The following FILIP1L variants were observed in gnomAD, a reference collection of about 807,000 sequenced individuals.
FILIP1L encodes the protein filamin A-interacting protein 1-like.
FILIP1L carries 55 observed loss-of-function variants against 96.6 expected under a neutral mutation model. That is an observed-to-expected ratio of 0.57 (90% CI 0.46 to 0.71). The LOEUF (loss-of-function observed/expected upper bound fraction) is 0.71, where lower values mean the gene tolerates loss of function less well. FILIP1L is among the 30% of genes least tolerant of loss of function. The pLI, the probability that FILIP1L is intolerant of heterozygous loss-of-function variation, is 0.00. For synonymous variants in FILIP1L, 467 were observed against 473.9 expected (o/e 0.99, Z 0.19); for missense variants, 1,304 against 1,321.2 (o/e 0.99, Z 0.20).
intron 1 of FILIP1L, among the ~76,000 whole-genome samples, chr3:100,091,421 CT>C (rs1295475034): frequency 6.6e-6 from 1 of 151,998 alleles, no homozygotes; most frequent in Non-Finnish European, 1.5e-5. Flanking sequence ...ATTGGAAAGA[CT>C]CATGTTTTGT....
chr3:99,958,171 C>G (rs1049414941), intron 1 of FILIP1L, among the ~76,000 whole-genome samples: 4 of 148,608 alleles, frequency 2.7e-5, no homozygotes, highest in African/African-American at 9.8e-5. Flanking sequence ...CTGCAGCTAT[C>G]AACCCATCAC....
intron 4 of FILIP1L, among the ~76,000 whole-genome samples, chr3:99,917,373 G>A (rs977391802): frequency 4.6e-5 from 7 of 152,186 alleles, no homozygotes; most frequent in Middle Eastern, 3.4e-3. Flanking sequence ...TGGACCTCCC[G>A]TAACACCAGG....
chr3:99,985,594 C>CT (rs759661932), intron 1 of FILIP1L, among the ~76,000 whole-genome samples: 13,426 of 145,632 alleles, frequency 0.092, 684 homozygotes, highest in Admixed American at 0.12. Flanking sequence ...ATGAGAAAAG[C>CT]TTTTTTTTTT....
intron 5 of FILIP1L, among the ~76,000 whole-genome samples, chr3:99,836,843 TCTGA>T (rs1942920100): frequency 1.3e-5 from 2 of 152,230 alleles, no homozygotes; most frequent in African/African-American, 4.8e-5. Context: ...AGCCATTGTG[TCTGA>T]ACCAATCAGA....
At chr3:100,015,802 G>T (rs572489599) in intron 1 of FILIP1L, among the ~76,000 whole-genome samples, 87 of 152,324 alleles carry the variant, frequency 5.7e-4, no homozygotes, top group African/African-American at 2.1e-3. Flanking sequence ...TCTGATAAAT[G>T]AGAGGAGGGA....
intron 1 of FILIP1L, among the ~76,000 whole-genome samples, chr3:100,025,223 C>T (rs547367048): frequency 6.6e-6 from 1 of 152,274 alleles, no homozygotes; most frequent in Non-Finnish European, 1.5e-5. Context: ...CTTCTTGCCA[C>T]TACACAGCCC....
chr3:99,876,636 G>A (rs553251479), intron 4 of FILIP1L, among the ~76,000 whole-genome samples: 1 of 152,274 alleles, frequency 6.6e-6, no homozygotes, highest in South Asian at 2.1e-4. Flanking sequence ...ATCTCTGGGG[G>A]TGATTTAGAC....
At chr3:99,884,871 G>T (rs921542063) in intron 4 of FILIP1L, among the ~76,000 whole-genome samples, 1 of 152,158 alleles carries the variant, frequency 6.6e-6, no homozygotes, top group African/African-American at 2.4e-5. Flanking sequence ...TACTGATAAG[G>T]CCTGTGTCCA....
intron 1 of FILIP1L, among the ~76,000 whole-genome samples, chr3:99,948,698 GAGAA>G (rs1708087169): frequency 1.3e-5 from 2 of 148,730 alleles, no homozygotes; most frequent in African/African-American, 2.5e-5. Context: ...AGAAAGGAGA[GAGAA>G]AGGGAGAGGA....
chr3:100,093,912 C>T (rs555785841), intron 1 of FILIP1L, among the ~76,000 whole-genome samples: 2 of 152,000 alleles, frequency 1.3e-5, no homozygotes, highest in Non-Finnish European at 2.9e-5. Flanking sequence ...CAAATAAAAC[C>T]ACCATAAAGA....
chr3:99,850,884 G>A lies in FILIP1L; in HGVS notation c.792C>T (p.Thr264=). The stretch of plus-strand genomic sequence containing the variant: ...TGGTATGTGTTTCCTTTGCATTTGT[G>A]GTCAGCTCTTGGATTTTCTGTCTTT... ...TLQRQKIQEL[T]TNAKETHTKL... The change falls in exon 5 of 6, where the codon ACC becomes ACT. Residue 264 remains threonine, a synonymous_variant. Coordinates refer to ENST00000477258, the MANE Select transcript of FILIP1L (RefSeq NM_001387850.1). The A allele has an allele frequency of 6.2e-7, 1 of 1,614,108 alleles. No individual in the cohort carries two copies. The highest frequency in any genetic ancestry group is 8.5e-7 in the Non-Finnish European group (1 of 1,180,018).
chr3:99,935,938 G>A (rs1420939053), intron 1 of FILIP1L, among the ~76,000 whole-genome samples: 1 of 152,080 alleles, frequency 6.6e-6, no homozygotes, highest in Non-Finnish European at 1.5e-5. Flanking sequence ...GTAAATAGAA[G>A]TCTATTCTAC....
intron 1 of FILIP1L, among the ~76,000 whole-genome samples, chr3:99,950,011 A>G (rs2107687333): frequency 6.6e-6 from 1 of 152,258 alleles, no homozygotes; most frequent in South Asian, 2.1e-4. Flanking sequence ...GTATGCTTCT[A>G]CCTTCGACTT....
At chr3:99,963,283 C>T (rs1019985439) in intron 1 of FILIP1L, among the ~76,000 whole-genome samples, 20 of 152,068 alleles carry the variant, frequency 1.3e-4, no homozygotes, top group African/African-American at 3.9e-4. Flanking sequence ...TTGACTGATC[C>T]CATGTGGTGG....
Position 99,828,909 on chromosome 3 carries a change from T to C in FILIP1L, c.*1505A>G, listed in dbSNP as rs1310162834. 6.6e-6 allele frequency among the ~76,000 whole-genome samples: 1 copy of C among 152,078 alleles called. No individual in the cohort carries two copies. The highest frequency in any genetic ancestry group is 1.9e-4 in the East Asian group (1 of 5,198). ...GACTGCTGCCCATCATCCCTCTCAA[T>C]GCTGCCTATCATCCCTCTCAATGCT... On this transcript the variant is annotated 3_prime_UTR_variant, in exon 6 of 6. Transcript: ENST00000477258.
chr3:99,853,163 G>C (rs114350715), intron 4 of FILIP1L, among the ~76,000 whole-genome samples: 3,360 of 152,278 alleles, frequency 0.022, 62 homozygotes, highest in Middle Eastern at 0.071. Flanking sequence ...CAGTGGCAGA[G>C]TCCATGGGTA....
intron 4 of FILIP1L, among the ~76,000 whole-genome samples, chr3:99,913,827 A>G (rs141897364): frequency 5.3e-5 from 8 of 152,366 alleles, no homozygotes; most frequent in Non-Finnish European, 1.2e-4. Flanking sequence ...TAGAAAACAC[A>G]TATTCAGTCT....
chr3:100,104,927 G>A (rs761913041), intron 1 of FILIP1L, among the ~76,000 whole-genome samples: 1 of 152,024 alleles, frequency 6.6e-6, no homozygotes, highest in Non-Finnish European at 1.5e-5. Context: ...TCTTCTGTCT[G>A]TAACAGCCAA....
intron 5 of FILIP1L, among the ~76,000 whole-genome samples, chr3:99,832,869 T>C (rs1942740594): frequency 6.7e-6 from 1 of 149,888 alleles, no homozygotes; most frequent in Non-Finnish European, 1.5e-5. Context: ...TTGTTTTTTT[T>C]TTTTTTCTTG....
Sources: allele counts gnomAD v4.1 joint callset (sites outside exome capture counted in the v4.1 genomes callset), GRCh38; gene constraint gnomAD v4.1.1; transcripts MANE v1.5; gene names NCBI Gene and HGNC (gene_info 2026-07-23, HGNC 2026-07-21).